Variants in TMEM38B observed in about 807,000 individuals in gnomAD.
TMEM38B encodes transmembrane protein 38B.
In TMEM38B, 24 loss-of-function variants were observed where a neutral mutation model predicts 28.7. That is an observed-to-expected ratio of 0.84 (90% CI 0.61 to 1.18). The LOEUF (loss-of-function observed/expected upper bound fraction) is 1.18. Among genes scored for constraint, TMEM38B ranks in the 50% most tolerant of loss-of-function variants. The pLI, the probability that TMEM38B is intolerant of heterozygous loss-of-function variation, is 0.00. For missense variants in TMEM38B, 380 were observed against 350.9 expected (o/e 1.08, Z -0.66); for synonymous variants, 131 against 127.7 (o/e 1.03, Z -0.17).
chr9:105,696,589 T>G (rs1445680885), intron 1 of TMEM38B, among the ~76,000 whole-genome samples: 1 of 152,206 alleles, frequency 6.6e-6, no homozygotes, highest in Admixed American at 6.5e-5. Context: ...AGTGGACAGG[T>G]CTATGCAGTC....
intron 4 of TMEM38B, among the ~76,000 whole-genome samples, chr9:105,725,167 CCTG>C (rs756913618): frequency 1.4e-4 from 21 of 152,112 alleles, no homozygotes; most frequent in Non-Finnish European, 2.8e-4. Context: ...TGAGGACTAA[CCTG>C]CTTAAAATTG....
intron 4 of TMEM38B, among the ~76,000 whole-genome samples, chr9:105,728,797 T>C (rs571740647): frequency 6.6e-6 from 1 of 152,312 alleles, no homozygotes; most frequent in East Asian, 1.9e-4. Flanking sequence ...GGTATCTCAT[T>C]GTGGTTTTGA....
intron 2 of TMEM38B, among the ~76,000 whole-genome samples, chr9:105,713,029 A>G (rs1032975027): frequency 1.3e-5 from 2 of 152,214 alleles, no homozygotes; most frequent in Non-Finnish European, 2.9e-5. Flanking sequence ...GCCCAGTGCC[A>G]TGCACCACGG....
chr9:105,737,840 T>C (rs767126701), intron 4 of TMEM38B, among the ~76,000 whole-genome samples: 1 of 152,106 alleles, frequency 6.6e-6, no homozygotes, highest in Admixed American at 6.5e-5. Context: ...GCCAAAGTCC[T>C]TATTTCTCAG....
chr9:105,730,297 A>T (rs1047683592), intron 4 of TMEM38B, among the ~76,000 whole-genome samples: 2 of 152,142 alleles, frequency 1.3e-5, no homozygotes, highest in African/African-American at 4.8e-5. Context: ...AAGGCTGTTG[A>T]ATTTTTTTGA....
In TMEM38B at chr9:105,705,590, A is replaced by G. The variant is rs186864213; in HGVS notation, c.113-7A>G. ...ATCACAGACCATATTTTACTTTACC[A>G]TTTCAGGAGCAGCTGCATTGGCATG... On this transcript the variant is annotated splice_region_variant and splice_polypyrimidine_tract_variant and intron_variant, in intron 1 of 5. Transcript: ENST00000374692. The G allele has an allele frequency of 6.5e-3, 10,422 of 1,610,586 alleles. 50 individuals carry two copies. Among genetic ancestry groups the G allele is most frequent in the Non-Finnish European group, 7.8e-3 (9,152 of 1,178,100 alleles).
intron 4 of TMEM38B, among the ~76,000 whole-genome samples, chr9:105,736,994 C>G (rs1462226597): frequency 6.6e-6 from 1 of 152,148 alleles, no homozygotes; most frequent in African/African-American, 2.4e-5. Context: ...TCTTGTTTTC[C>G]CAGCAACGGG....
chr9:105,732,962 T>G (rs569697308), intron 4 of TMEM38B, among the ~76,000 whole-genome samples: 1 of 152,122 alleles, frequency 6.6e-6, no homozygotes, highest in East Asian at 1.9e-4. Context: ...TCAAAGAACA[T>G]CTTCATTTCT....
chr9:105,724,348 G>T (rs1384047554), intron 4 of TMEM38B, among the ~76,000 whole-genome samples: 1 of 152,008 alleles, frequency 6.6e-6, no homozygotes, highest in African/African-American at 2.4e-5. Flanking sequence ...GAAAATGAAG[G>T]TTGAGGCTGG....
chr9:105,717,444 A>G (rs1836145540), intron 2 of TMEM38B, among the ~76,000 whole-genome samples: 1 of 152,230 alleles, frequency 6.6e-6, no homozygotes, highest in Non-Finnish European at 1.5e-5. Flanking sequence ...ATAATAGGGA[A>G]AACTGGGAAC....
At chr9:105,749,006 AG>A in intron 5 of TMEM38B, 1 of 1,191,390 alleles carries the variant, frequency 8.4e-7, no homozygotes, top group Admixed American at 2.8e-5. Flanking sequence ...AAAGGAAAAC[AG>A]GATAGATTAT....
intron 5 of TMEM38B, among the ~76,000 whole-genome samples, chr9:105,765,673 T>C (rs2133647467): frequency 6.6e-6 from 1 of 152,362 alleles, no homozygotes; most frequent in South Asian, 2.1e-4. Flanking sequence ...CAATTTGTTT[T>C]TCCAGTTATC....
intron 4 of TMEM38B, among the ~76,000 whole-genome samples, chr9:105,726,055 A>G (rs1039404107): frequency 1.3e-5 from 2 of 152,168 alleles, no homozygotes; most frequent in Non-Finnish European, 2.9e-5. Flanking sequence ...GATATTTTGA[A>G]CCAGGCATGC....
chr9:105,713,048 G>A (rs2133565166), intron 2 of TMEM38B, among the ~76,000 whole-genome samples: 1 of 152,386 alleles, frequency 6.6e-6, no homozygotes, highest in South Asian at 2.1e-4. Context: ...GGAGCAGAGG[G>A]AGCTGGGGAC....
chr9:105,762,508 T>C (rs1197717341), intron 5 of TMEM38B, among the ~76,000 whole-genome samples: 1 of 148,910 alleles, frequency 6.7e-6, no homozygotes, highest in Non-Finnish European at 1.5e-5. Context: ...ATATGCGGTG[T>C]TTGGTTTTTT....
intron 5 of TMEM38B, chr9:105,760,116 T>C (rs1030227339): frequency 9.1e-6 from 8 of 883,156 alleles, no homozygotes; most frequent in Middle Eastern, 2.3e-4. Flanking sequence ...TTGCCATCGA[T>C]GCGCTACAAT....
chr9:105,748,812 T>G (rs1258259846), intron 5 of TMEM38B, among the ~76,000 whole-genome samples: 5 of 152,212 alleles, frequency 3.3e-5, no homozygotes, highest in African/African-American at 1.2e-4. Context: ...ATCTTACGAA[T>G]TTTGTTTGCA....
At chr9:105,750,482 T>C (rs1485341727) in intron 5 of TMEM38B, among the ~76,000 whole-genome samples, 1 of 151,994 alleles carries the variant, frequency 6.6e-6, no homozygotes, top group African/African-American at 2.4e-5. Context: ...AAATTAGTTG[T>C]GCGCGCCTGT....
intron 5 of TMEM38B, among the ~76,000 whole-genome samples, chr9:105,771,786 C>T (rs1389218973): frequency 6.6e-6 from 1 of 152,126 alleles, no homozygotes; most frequent in Non-Finnish European, 1.5e-5. Context: ...ATGCATTTAC[C>T]TTTCGCTTGT....
Sources: allele counts gnomAD v4.1 joint callset (sites outside exome capture counted in the v4.1 genomes callset), GRCh38; gene constraint gnomAD v4.1.1; transcripts MANE v1.5; gene names NCBI Gene and HGNC (gene_info 2026-07-23, HGNC 2026-07-21).